Variants in ZNF420 observed in about 807,000 individuals in gnomAD.
ZNF420 encodes the protein ATM and p53-associated KZNF protein.
Under a neutral mutation model 44.7 loss-of-function variants are expected in ZNF420, and 31 were observed. The ratio of observed to expected loss-of-function variants is 0.69; its 90% CI spans 0.52 to 0.94. The LOEUF (loss-of-function observed/expected upper bound fraction) is 0.94. Ranked by LOEUF, ZNF420 falls within the 40% of genes least tolerant of loss-of-function variation. The probability of loss-of-function intolerance (pLI) is 0.00; values close to 1 mark genes in which losing one functional copy is unlikely to be tolerated. For missense variants in ZNF420, 681 were observed against 827.9 expected (o/e 0.82, Z 2.18); for synonymous variants, 245 against 267.4 (o/e 0.92, Z 0.82).
At chr19:37,126,205 A>G (rs1599730781) in intron 4 of ZNF420, among the ~76,000 whole-genome samples, 2 of 152,322 alleles carry the variant, frequency 1.3e-5, no homozygotes, top group East Asian at 3.9e-4. Flanking sequence ...TACCTAAATT[A>G]CCAGAAATTA....
At chr19:37,041,685 T>C (rs1005817824) in intron 1 of ZNF420, among the ~76,000 whole-genome samples, 1 of 152,194 alleles carries the variant, frequency 6.6e-6, no homozygotes, top group Admixed American at 6.5e-5. Flanking sequence ...CCTTAAAACA[T>C]AGAGGTGCTA....
intron 1 of ZNF420, among the ~76,000 whole-genome samples, chr19:37,030,439 G>A (rs561438833): frequency 1.3e-5 from 2 of 152,154 alleles, no homozygotes; most frequent in Non-Finnish European, 2.9e-5. Context: ...AGGATTACAG[G>A]CGTGACCCAC....
intron 1 of ZNF420, chr19:37,024,993 C>A: frequency 4.7e-6 from 1 of 211,382 alleles, no homozygotes. Context: ...AGTATGAATA[C>A]TCTGATGTGC....
At chr19:37,032,789 C>T (rs1967287407) in intron 1 of ZNF420, among the ~76,000 whole-genome samples, 1 of 152,044 alleles carries the variant, frequency 6.6e-6, no homozygotes, top group African/African-American at 2.4e-5. Flanking sequence ...TCAAGAGTTA[C>T]CAATACCAAG....
chr19:37,117,163 G>C (rs1290151813), intron 4 of ZNF420, among the ~76,000 whole-genome samples: 1 of 151,088 alleles, frequency 6.6e-6, no homozygotes, highest in Non-Finnish European at 1.5e-5. Flanking sequence ...CTCCTCAAGT[G>C]GGTCCCTGAC....
intron 1 of ZNF420, among the ~76,000 whole-genome samples, chr19:37,015,189 C>T (rs911033216): frequency 6.6e-6 from 1 of 152,144 alleles, no homozygotes; most frequent in Non-Finnish European, 1.5e-5. Context: ...GTGACTCGTG[C>T]GCTGGAGCGC....
At chr19:37,113,101 G>C (rs116339372) in intron 4 of ZNF420, among the ~76,000 whole-genome samples, 2,599 of 152,302 alleles carry the variant, frequency 0.017, 82 homozygotes, top group African/African-American at 0.059. Flanking sequence ...CCAGTTTGTT[G>C]CGGGGCCTGA....
At chr19:37,014,753 C>T (rs1326639193) in intron 1 of ZNF420, among the ~76,000 whole-genome samples, 2 of 152,210 alleles carry the variant, frequency 1.3e-5, no homozygotes, top group Non-Finnish European at 2.9e-5. Flanking sequence ...TGCCTGGGCA[C>T]GGGTCCCAGA....
chr19:37,127,824 T>C lies in ZNF420; in HGVS notation c.833T>C (p.Leu278Pro). Reference sequence around the variant, plus strand: ...CAGAGACTTCATACTGGTGAAAAGCTCTATGAATGTAAAGAATGTAGGAAG... The same window carrying C: ...CAGAGACTTCATACTGGTGAAAAGCCCTATGAATGTAAAGAATGTAGGAAG... ...LHQRLHTGEKLYECKECRKVF... is the reference protein window; with the variant it reads ...LHQRLHTGEKPYECKECRKVF... The change falls in exon 5 of 5, where the codon CTC (leucine) becomes CCC (proline). Residue 278 changes from leucine to proline, a missense_variant. Coordinates refer to ENST00000337995, the MANE Select transcript of ZNF420 (RefSeq NM_144689.5). 6.2e-7 allele frequency: 1 copy of C among 1,612,870 alleles called. No individual in the cohort carries two copies. Among genetic ancestry groups the C allele is most frequent in the Non-Finnish European group, 8.5e-7 (1 of 1,179,696 alleles).
chr19:37,029,827 T>C (rs974307696), intron 1 of ZNF420, among the ~76,000 whole-genome samples: 3 of 152,106 alleles, frequency 2.0e-5, no homozygotes, highest in Admixed American at 6.6e-5. Flanking sequence ...TTTTTTTAAA[T>C]GAAGTTTTAT....
intron 1 of ZNF420, among the ~76,000 whole-genome samples, chr19:37,041,487 C>G (rs1266457972): frequency 6.6e-6 from 1 of 151,730 alleles, no homozygotes; most frequent in Non-Finnish European, 1.5e-5. Flanking sequence ...GTACTTAAAA[C>G]TTCTTACTTC....
chr19:37,065,293 G>A (rs1028676369), intron 1 of ZNF420, among the ~76,000 whole-genome samples: 6 of 152,150 alleles, frequency 3.9e-5, no homozygotes, highest in African/African-American at 1.4e-4. Context: ...AGAGCTTGGT[G>A]TTCCAAAGGC....
At chr19:37,083,258 T>C (rs1968572818) in intron 2 of ZNF420, among the ~76,000 whole-genome samples, 1 of 152,122 alleles carries the variant, frequency 6.6e-6, no homozygotes, top group Non-Finnish European at 1.5e-5. Flanking sequence ...TTTTCCTTTA[T>C]GTGATGTTAA....
At chr19:37,119,024 G>C (rs1413346164) in intron 4 of ZNF420, among the ~76,000 whole-genome samples, 1 of 152,166 alleles carries the variant, frequency 6.6e-6, no homozygotes, top group Non-Finnish European at 1.5e-5. Context: ...AATAATGGGA[G>C]ACTTTAACAC....
At chr19:37,054,983 G>T (rs539410575) in intron 1 of ZNF420, among the ~76,000 whole-genome samples, 1 of 152,074 alleles carries the variant, frequency 6.6e-6, no homozygotes, top group Non-Finnish European at 1.5e-5. Context: ...GTGGAGAGTG[G>T]GTTGCTACTC....
intron 1 of ZNF420, among the ~76,000 whole-genome samples, chr19:37,012,266 G>A (rs1205359426): frequency 7.9e-5 from 12 of 152,336 alleles, no homozygotes; most frequent in East Asian, 1.9e-4. Context: ...CCGCGCCGCC[G>A]CCATTATTTA....
chr19:37,044,641 G>C (rs371555604), intron 1 of ZNF420, among the ~76,000 whole-genome samples: 3 of 151,970 alleles, frequency 2.0e-5, no homozygotes, highest in Non-Finnish European at 4.4e-5. Flanking sequence ...TGAGGTGAGC[G>C]GATCACCTGA....
intron 4 of ZNF420, among the ~76,000 whole-genome samples, chr19:37,099,896 T>A (rs1243159851): frequency 6.6e-6 from 1 of 152,166 alleles, no homozygotes; most frequent in Non-Finnish European, 1.5e-5. Context: ...GAGCTGGGAT[T>A]ATAGATGTGA....
chr19:37,059,494 C>G (rs1967828999), intron 1 of ZNF420, among the ~76,000 whole-genome samples: 1 of 152,228 alleles, frequency 6.6e-6, no homozygotes, highest in Non-Finnish European at 1.5e-5. Flanking sequence ...GGCCTGACCT[C>G]TCCACGGGGT....
Sources: gnomAD v4.1 joint callset for allele counts (sites outside exome capture counted in the v4.1 genomes callset) on GRCh38, gnomAD v4.1.1 for gene constraint, MANE v1.5 for transcripts, NCBI Gene and HGNC (gene_info 2026-07-23, HGNC 2026-07-21) for gene names.